LOC400499: variants seen among roughly 807,000 people sequenced by gnomAD.
At chr16:11,430,451 T>C in the LOC400499 span, among the ~76,000 whole-genome samples, 2 of 151,882 alleles carry the variant, frequency 1.3e-5, no homozygotes, top group Admixed American at 6.6e-5. Flanking sequence ...GATTGCTCCA[T>C]TGCACTCCAG....
chr16:11,476,971 G>C, the LOC400499 span: 1 of 399,256 alleles, frequency 2.5e-6, no homozygotes, highest in Non-Finnish European at 4.4e-6. Context: ...TGTACCAGCT[G>C]CATCCCGAGG....
the LOC400499 span, among the ~76,000 whole-genome samples, chr16:11,514,001 G>A: frequency 0.57 from 86,194 of 151,972 alleles, 25,190 homozygotes; most frequent in Admixed American, 0.65. Flanking sequence ...CCCAGGGAAT[G>A]CTATGTGTTA....
chr16:11,402,028 G>C, the LOC400499 span: 1 of 399,124 alleles, frequency 2.5e-6, no homozygotes, highest in Non-Finnish European at 4.4e-6. Context: ...TTCCGGCCCT[G>C]ACACTTACCT....
At chr16:11,439,677 G>A in the LOC400499 span, 3 of 397,590 alleles carry the variant, frequency 7.5e-6, no homozygotes, top group Non-Finnish European at 1.3e-5. Flanking sequence ...CCCAGAATAT[G>A]CCCAAAGCTC....
At chr16:11,394,840 G>A in the LOC400499 span, among the ~76,000 whole-genome samples, 9 of 152,166 alleles carry the variant, frequency 5.9e-5, no homozygotes, top group Non-Finnish European at 1.2e-4. Flanking sequence ...ACTTTGAGAG[G>A]GAGTGTGGCC....
At chr16:11,413,132 T>TA in the LOC400499 span, among the ~76,000 whole-genome samples, 1 of 152,066 alleles carries the variant, frequency 6.6e-6, no homozygotes, top group East Asian at 1.9e-4. Context: ...AGTCAGCCCC[T>TA]ATTGCAGCTC....
chr16:11,488,620 G>C, the LOC400499 span: 1 of 395,988 alleles, frequency 2.5e-6, no homozygotes, highest in Admixed American at 4.4e-5. Flanking sequence ...CACAACGTCT[G>C]ATCCACATGC....
chr16:11,453,353 G>A, the LOC400499 span, among the ~76,000 whole-genome samples: 2 of 152,080 alleles, frequency 1.3e-5, no homozygotes, highest in African/African-American at 4.8e-5. Context: ...AATATTTTGA[G>A]CAGCCGACTC....
the LOC400499 span, among the ~76,000 whole-genome samples, chr16:11,464,170 T>TGTATGGACATGTGTATGG: frequency 1.6e-3 from 247 of 151,794 alleles, no homozygotes; most frequent in African/African-American, 5.8e-3. Flanking sequence ...TATGGACATG[T>TGTATGGACATGTGTATGG]GTATGTCATA....
the LOC400499 span, among the ~76,000 whole-genome samples, chr16:11,453,751 T>G: frequency 2.2e-4 from 33 of 151,994 alleles, no homozygotes; most frequent in African/African-American, 7.5e-4. Flanking sequence ...GACGATCACT[T>G]GAGCCCAGGA....
chr16:11,485,156 G>A, the LOC400499 span: 1 of 398,268 alleles, frequency 2.5e-6, no homozygotes, highest in Non-Finnish European at 4.4e-6. Flanking sequence ...GATATGAATG[G>A]AGGACCCAGA....
At chr16:11,439,911 C>T in the LOC400499 span, among the ~76,000 whole-genome samples, 342 of 152,086 alleles carry the variant, frequency 2.2e-3, 3 homozygotes, top group African/African-American at 8.1e-3. Context: ...ACCAGGTTCA[C>T]AATGACCACC....
the LOC400499 span, chr16:11,461,135 G>A: frequency 1.3e-4 from 203 of 1,527,420 alleles, 1 homozygote; most frequent in African/African-American, 2.4e-3. Context: ...GGGACAGAGA[G>A]CAGGCAGATG....
the LOC400499 span, among the ~76,000 whole-genome samples, chr16:11,500,288 A>G: frequency 3.9e-5 from 6 of 152,078 alleles, no homozygotes; most frequent in Non-Finnish European, 2.9e-5. Context: ...TGGGTGGATC[A>G]CTTGAGGTCA....
At chr16:11,486,898 G>A in the LOC400499 span, among the ~76,000 whole-genome samples, 1 of 118,158 alleles carries the variant, frequency 8.5e-6, no homozygotes, top group Admixed American at 9.1e-5. Context: ...GGGGCTGGAT[G>A]AATGAATCAT....
the LOC400499 span, chr16:11,443,487 A>G: frequency 0.011 from 1,861 of 169,944 alleles, 65 homozygotes; most frequent in Admixed American, 0.084. Context: ...AAAAAAAAAA[A>G]AAAAAGAGAG....
At chr16:11,434,987 C>T in the LOC400499 span, among the ~76,000 whole-genome samples, 2 of 152,146 alleles carry the variant, frequency 1.3e-5, no homozygotes, top group East Asian at 1.9e-4. Flanking sequence ...ATTATTATTA[C>T]TATTTTAGAG....
At chr16:11,516,084 A>G in the LOC400499 span, 1 of 399,268 alleles carries the variant, frequency 2.5e-6, no homozygotes, top group Non-Finnish European at 4.4e-6. Context: ...AGGGTTGGGG[A>G]CAGGTCAACC....
the LOC400499 span, among the ~76,000 whole-genome samples, chr16:11,505,233 A>G: frequency 5.7e-3 from 874 of 152,062 alleles, 12 homozygotes; most frequent in African/African-American, 0.02. Context: ...TCAAGCTACC[A>G]ACTTGCAATT....
Sources: gnomAD v4.1 joint callset for allele counts (sites outside exome capture counted in the v4.1 genomes callset) on GRCh38, gnomAD v4.1.1 for gene constraint, MANE v1.5 for transcripts.